B3GALT1: variants seen among roughly 807,000 people sequenced by gnomAD.
B3GALT1 encodes beta-1,3-galactosyltransferase 1, also known as UDP-Gal:betaGlcNAc beta 1,3-galactosyltransferase, polypeptide 1.
B3GALT1 carries 10 observed loss-of-function variants against 23.2 expected under a neutral mutation model. The observed-to-expected ratio is 0.43, with a 90% CI of 0.27 to 0.73. The LOEUF is 0.73. Among genes scored for constraint, B3GALT1 ranks in the 30% least tolerant of loss-of-function variants. B3GALT1 has a pLI of 0.21. For synonymous variants in B3GALT1, 156 were observed against 141.5 expected, an observed-to-expected ratio of 1.10 and a Z score of -0.73; for missense variants, 299 against 405.4, an observed-to-expected ratio of 0.74 and a Z score of 2.25.
At chr2:167,509,605 A>G (rs1699973391) in intron 2 of B3GALT1, among the ~76,000 whole-genome samples, 1 of 152,202 alleles carries the variant, frequency 6.6e-6, no homozygotes, top group Non-Finnish European at 1.5e-5. Flanking sequence ...AGTAAATTAG[A>G]CAGTAAACAA....
intron 1 of B3GALT1, among the ~76,000 whole-genome samples, chr2:167,294,922 A>G (rs1696324372): frequency 6.6e-6 from 1 of 152,226 alleles, no homozygotes; most frequent in South Asian, 2.1e-4. Flanking sequence ...GATTGGGCTC[A>G]TTTCTGATTT....
At chr2:167,735,631 T>C (rs1437420024) in intron 3 of B3GALT1, among the ~76,000 whole-genome samples, 1 of 152,138 alleles carries the variant, frequency 6.6e-6, no homozygotes, top group Non-Finnish European at 1.5e-5. Context: ...TATATAGATA[T>C]AGATTTGTAT....
chr2:167,319,045 C>T (rs373503377), intron 1 of B3GALT1, among the ~76,000 whole-genome samples: 2 of 152,134 alleles, frequency 1.3e-5, no homozygotes, highest in East Asian at 1.9e-4. Flanking sequence ...TCAGCCAGGT[C>T]AGATGGGCTT....
At chr2:167,328,411 T>A (rs1403288484) in intron 1 of B3GALT1, among the ~76,000 whole-genome samples, 1 of 152,204 alleles carries the variant, frequency 6.6e-6, no homozygotes. Flanking sequence ...ATTTTTTGTC[T>A]ATTCAGGTTT....
At chr2:167,757,589 A>G (rs1368528297) in intron 3 of B3GALT1, among the ~76,000 whole-genome samples, 1 of 152,148 alleles carries the variant, frequency 6.6e-6, no homozygotes, top group Non-Finnish European at 1.5e-5. Flanking sequence ...TTTTTTGACC[A>G]GTTAAGTTTC....
At chr2:167,687,982 T>C (rs937905048) in intron 3 of B3GALT1, among the ~76,000 whole-genome samples, 2 of 152,208 alleles carry the variant, frequency 1.3e-5, no homozygotes, top group Non-Finnish European at 2.9e-5. Context: ...TTTTGAGGTC[T>C]GTTCTTAACT....
intron 1 of B3GALT1, among the ~76,000 whole-genome samples, chr2:167,339,390 G>T (rs150823718): frequency 4.0e-5 from 6 of 151,828 alleles, no homozygotes; most frequent in East Asian, 1.9e-4. Flanking sequence ...ATGCATATGT[G>T]TGGAGAGTGT....
chr2:167,856,837 G>T (rs937289514), intron 4 of B3GALT1, among the ~76,000 whole-genome samples: 25 of 152,242 alleles, frequency 1.6e-4, no homozygotes, highest in Middle Eastern at 3.4e-3. Flanking sequence ...GTCAAGAGAA[G>T]GTTTTGCTGT....
At chr2:167,454,972 G>C (rs1219131024) in intron 1 of B3GALT1, among the ~76,000 whole-genome samples, 1 of 152,170 alleles carries the variant, frequency 6.6e-6, no homozygotes. Flanking sequence ...ATCCATTAAC[G>C]AGCAGCAGTA....
chr2:167,422,782 AT>A (rs939821059), intron 1 of B3GALT1, among the ~76,000 whole-genome samples: 23 of 152,096 alleles, frequency 1.5e-4, no homozygotes, highest in African/African-American at 5.1e-4. Flanking sequence ...ACAGAGGTGC[AT>A]TTTTTTCCTG....
chr2:167,361,566 T>G (rs913722630), intron 1 of B3GALT1, among the ~76,000 whole-genome samples: 3 of 152,304 alleles, frequency 2.0e-5, no homozygotes, highest in Non-Finnish European at 2.9e-5. Flanking sequence ...GCACAGCAGA[T>G]TGTAATCCAT....
chr2:167,866,635 A>G (rs1690223535), intron 4 of B3GALT1, among the ~76,000 whole-genome samples: 1 of 152,196 alleles, frequency 6.6e-6, no homozygotes, highest in Non-Finnish European at 1.5e-5. Flanking sequence ...CAAAATGTAA[A>G]GTGGAAAAAT....
At chr2:167,357,955 G>T (rs370909485) in intron 1 of B3GALT1, among the ~76,000 whole-genome samples, 153 of 152,216 alleles carry the variant, frequency 1.0e-3, no homozygotes, top group African/African-American at 3.5e-3. Context: ...AATTTACAGA[G>T]AATTTCTGTT....
At chr2:167,373,063 C>T (rs1451143626) in intron 1 of B3GALT1, among the ~76,000 whole-genome samples, 1 of 151,720 alleles carries the variant, frequency 6.6e-6, no homozygotes, top group Admixed American at 6.6e-5. Context: ...CAGAAATAGG[C>T]CTATACCTAT....
chr2:167,381,813 CTT>C (rs1429527325), intron 1 of B3GALT1, among the ~76,000 whole-genome samples: 1 of 152,178 alleles, frequency 6.6e-6, no homozygotes, highest in Non-Finnish European at 1.5e-5. Context: ...AATAAAAAGT[CTT>C]TGTGGTGTTG....
chr2:167,370,982 A>T (rs1697675520), intron 1 of B3GALT1, among the ~76,000 whole-genome samples: 1 of 152,216 alleles, frequency 6.6e-6, no homozygotes, highest in South Asian at 2.1e-4. Context: ...TGAAACAATA[A>T]AATTGCATTA....
intron 1 of B3GALT1, among the ~76,000 whole-genome samples, chr2:167,307,417 C>A (rs1574026417): frequency 1.3e-5 from 2 of 152,022 alleles, no homozygotes; most frequent in African/African-American, 4.8e-5. Context: ...ATATGAGTGT[C>A]ATCTTATGTC....
In B3GALT1 at chr2:167,808,497, A is replaced by G. The variant is rs377382792; in HGVS notation, c.-351-10175A>G. ...AGGCCTGGTGGTGACAAAATCTCTC[A>G]GCATTTGCTTGTCTGTAAAGTATTT... On this transcript the variant is annotated intron_variant, in intron 3 of 4. Transcript: ENST00000392690. Among the ~76,000 whole-genome samples the G allele has an allele frequency of 4.8e-4, 73 of 151,890 alleles. 1 individual carries two copies. In the South Asian group the frequency reaches 0.015, roughly 32 times the overall value.
chr2:167,720,580 T>C (rs1487613698), intron 3 of B3GALT1, among the ~76,000 whole-genome samples: 2 of 152,180 alleles, frequency 1.3e-5, no homozygotes, highest in Admixed American at 6.5e-5. Flanking sequence ...AGCTGCATAG[T>C]CACCAAAGAA....
Sources: gnomAD v4.1 joint callset for allele counts (sites outside exome capture counted in the v4.1 genomes callset) on GRCh38, gnomAD v4.1.1 for gene constraint, MANE v1.5 for transcripts, NCBI Gene and HGNC (gene_info 2026-07-23, HGNC 2026-07-21) for gene names.